TFDP1: variants seen among roughly 807,000 people sequenced by gnomAD.
TFDP1 encodes DRTF1-polypeptide 1.
TFDP1 carries 6 observed loss-of-function variants against 48.0 expected under a neutral mutation model. The ratio of observed to expected loss-of-function variants is 0.13; its 90% confidence interval spans 0.07 to 0.25. TFDP1 has a LOEUF of 0.25. TFDP1 is among the 10% of genes least tolerant of loss of function. The probability of loss-of-function intolerance (pLI) is 1.00; values close to 1 mark genes in which losing one functional copy is unlikely to be tolerated. For synonymous variants in TFDP1, 201 were observed against 211.6 expected, an observed-to-expected ratio of 0.95 and a Z score of 0.44; for missense variants, 335 against 543.0, an observed-to-expected ratio of 0.62 and a Z score of 3.81.
Position 113,640,280 on chromosome 13 carries a change from T to G in TFDP1, c.*13T>G. The G allele has an allele frequency of 6.2e-7, 1 of 1,605,890 alleles. No individual in the cohort carries two copies. The highest frequency in any genetic ancestry group is 8.5e-7 in the Non-Finnish European group (1 of 1,177,390). Reference sequence around the variant, plus strand: ...CGAGGACGACTGACGTCCTCCCCACTTCAGATTCGGCTTCAGGAAAACGTT... The same window carrying G: ...CGAGGACGACTGACGTCCTCCCCACGTCAGATTCGGCTTCAGGAAAACGTT... On this transcript the variant is annotated 3_prime_UTR_variant, in exon 12 of 12. Transcript: ENST00000375370.
At chr13:113,600,825 C>G (rs1383960437) in intron 2 of TFDP1, among the ~76,000 whole-genome samples, 2 of 141,070 alleles carry the variant, frequency 1.4e-5, no homozygotes, top group African/African-American at 2.9e-5. Flanking sequence ...CCGTGAGAGA[C>G]AACCCTCACA....
chr13:113,633,790 TGA>T lies in TFDP1; in HGVS notation c.475-98_475-97del, dbSNP rs1183047858. The T allele has an allele frequency of 7.0e-7, 1 of 1,436,926 alleles. No homozygotes were observed. The highest frequency in any genetic ancestry group is 9.4e-7 in the Non-Finnish European group (1 of 1,062,322). 89.0% of individuals were successfully genotyped at this position (1,436,926 alleles called of 1,614,324 possible). A position where few individuals can be genotyped will look rare whatever the true frequency, so the allele number is the denominator to read the frequency against. ...AGGGCATGTTGGGGTGGCGGCTCCG[TGA>T]GCGGGGTGCCCCTTTGAGCCAGTGC... On this transcript the variant is annotated intron_variant, in intron 6 of 11. Transcript: ENST00000375370. This position sits in a 1 kb window ranked among gnomAD's most constrained non-coding sequence, Gnocchi z 4.5.
At position 113,601,258 on chromosome 13, in the gene TFDP1, C is replaced by T. The variant is rs1040127336; in HGVS notation, c.13-9738C>T. Among the ~76,000 whole-genome samples the T allele has an allele frequency of 4.8e-5, 7 of 146,176 alleles. 1 individual carries two copies. The East Asian group carries it at 1.4e-3, about 29-fold the overall frequency. ...CCTAGTGCCTGTTAGGAGCCCAGGT[C>T]CCCGTTCAGCCTGTCCCGGGCGGCC... On this transcript the variant is annotated intron_variant, in intron 2 of 11. Coordinates refer to ENST00000375370, the MANE Select transcript of TFDP1 (RefSeq NM_007111.5).
intron 4 of TFDP1, among the ~76,000 whole-genome samples, chr13:113,625,101 A>C (rs1285767183): frequency 3.1e-4 from 36 of 116,816 alleles, no homozygotes; most frequent in Admixed American, 2.7e-3. Flanking sequence ...ACGTGTCCTC[A>C]GGTGTCTCTC....
At chr13:113,603,359 C>T (rs955112180) in intron 2 of TFDP1, among the ~76,000 whole-genome samples, 14 of 152,216 alleles carry the variant, frequency 9.2e-5, no homozygotes, top group Non-Finnish European at 1.8e-4. Flanking sequence ...AAGAGGGAGG[C>T]GTTGAGGGCC....
chr13:113,641,343 T>C lies in TFDP1; in HGVS notation c.*1076T>C, dbSNP rs972367739. The C allele has an allele frequency of 6.6e-6, 1 of 152,276 alleles. No homozygotes were observed. The highest frequency in any genetic ancestry group is 2.4e-5 in the African/African-American group (1 of 41,478). 9.4% of individuals were successfully genotyped at this position (152,276 alleles called of 1,614,324 possible). A position where few individuals can be genotyped will look rare whatever the true frequency, so the allele number is the denominator to read the frequency against. ...TTAGCTGCCTGTTCTAAAACGATAG[T>C]CTTTTTATTGAAACACAAATAAACT... On this transcript the variant is annotated 3_prime_UTR_variant, in exon 12 of 12. Coordinates refer to ENST00000375370, the MANE Select transcript of TFDP1 (RefSeq NM_007111.5).
intron 2 of TFDP1, among the ~76,000 whole-genome samples, chr13:113,599,700 A>G (rs1284410137): frequency 3.3e-5 from 5 of 152,204 alleles, no homozygotes; most frequent in Non-Finnish European, 5.9e-5. Flanking sequence ...AGGAGGAGGT[A>G]GTAGGTGCAG....
intron 2 of TFDP1, among the ~76,000 whole-genome samples, chr13:113,609,863 G>A (rs535369650): frequency 2.6e-5 from 4 of 152,184 alleles, no homozygotes; most frequent in African/African-American, 7.2e-5. Context: ...GCATGCTGCC[G>A]TGTGTGTGCT....
chr13:113,640,217 G>A lies in TFDP1; in HGVS notation c.1183G>A (p.Glu395Lys). The change falls in exon 12 of 12, where the codon GAG becomes AAG. Residue 395 changes from glutamate to lysine, a missense_variant. Coordinates refer to ENST00000375370, the MANE Select transcript of TFDP1 (RefSeq NM_007111.5). Reference protein sequence around the residue: ...RVETPVSYVGEDDEEDDDFNE... With the variant: ...RVETPVSYVGKDDEEDDDFNE... ...GGAGACTCCGGTGTCCTACGTCGGGGAGGACGACGAGGAGGACGATGACTT... is the reference window on the plus strand; with the variant it reads ...GGAGACTCCGGTGTCCTACGTCGGGAAGGACGACGAGGAGGACGATGACTT... The A allele has an allele frequency of 6.2e-7, 1 of 1,613,322 alleles. No individual in the cohort carries two copies. The highest frequency in any genetic ancestry group is 8.5e-7 in the Non-Finnish European group (1 of 1,179,582).
At position 113,634,589 on chromosome 13, in the gene TFDP1, A is replaced by C. The variant is rs746428598; in HGVS notation, c.674A>C (p.Glu225Ala). The C allele has an allele frequency of 6.2e-7, 1 of 1,612,508 alleles. No individual in the cohort carries two copies. The highest frequency in any genetic ancestry group is 8.5e-7 in the Non-Finnish European group (1 of 1,179,274). ...RIKQKQSQLQELILQQIAFKN... is the reference protein window; with the variant it reads ...RIKQKQSQLQALILQQIAFKN... ...AAACAGAAACAGTCTCAACTTCAAG[A>C]ACTTATTCTACAGGTAAGAGAATAC... is the stretch of plus-strand genomic sequence containing the variant. Residue 225 changes from glutamate (E) to alanine (A), a missense_variant, in exon 8 of 12, where the codon GAA (glutamate) becomes GCA (alanine). Around this residue, in one of 3 missense-constraint regions of TFDP1, gnomAD observed 204 missense variants for 287.1 expected, o/e 0.71. Transcript: ENST00000375370.
rs982626135 is a variant in TFDP1 at position 113,607,048 on chromosome 13, G to A, written c.13-3948G>A. 2.6e-5 allele frequency among the ~76,000 whole-genome samples: 4 copies of A among 152,236 alleles called. No individual in the cohort carries two copies. The highest frequency in any genetic ancestry group is 6.5e-5 in the Admixed American group (1 of 15,286). ...CCCCAGAAGTCATGCCTCTGAGTCC[G>A]TGGTTCTTAGCTGAGGGTGGCTTTG... On this transcript the variant is annotated intron_variant, in intron 2 of 11. Coordinates refer to ENST00000375370, the MANE Select transcript of TFDP1 (RefSeq NM_007111.5). The surrounding 1 kb of genome is among the most constrained non-coding windows in gnomAD (Gnocchi z 5.2).
At chr13:113,638,649 A>G (rs764825509) in intron 11 of TFDP1, among the ~76,000 whole-genome samples, 1 of 152,182 alleles carries the variant, frequency 6.6e-6, no homozygotes, top group Non-Finnish European at 1.5e-5. Flanking sequence ...TATTGTTTCT[A>G]TGCTATTAAA....
At chr13:113,636,827 C>CAAA (rs1439704682) in intron 10 of TFDP1, 127 bp downstream of exon 10, 2 of 1,161,016 alleles carry the variant, frequency 1.7e-6, no homozygotes, top group African/African-American at 3.1e-5. Context: ...GGGCCAGGAG[C>CAAA]AAAGACAAAG....
chr13:113,620,911 T>A (rs1292662950), intron 3 of TFDP1, among the ~76,000 whole-genome samples: 1 of 152,186 alleles, frequency 6.6e-6, no homozygotes, highest in Non-Finnish European at 1.5e-5. Flanking sequence ...AAAAGGCAAA[T>A]GTCTTTTTAA....
At chr13:113,625,042 G>A (rs2049101068) in intron 4 of TFDP1, among the ~76,000 whole-genome samples, 1 of 134,732 alleles carries the variant, frequency 7.4e-6, no homozygotes, top group African/African-American at 2.9e-5. Context: ...TTTCTCAGGT[G>A]TCTCTCACGT....
Position 113,607,809 on chromosome 13 carries a change from C to T in TFDP1, c.13-3187C>T, listed in dbSNP as rs1291761702. 6.6e-6 allele frequency among the ~76,000 whole-genome samples: 1 copy of T among 152,170 alleles called. No individual in the cohort carries two copies. Among genetic ancestry groups the T allele is most frequent in the Admixed American group, 6.5e-5 (1 of 15,286 alleles). On this transcript the variant is annotated intron_variant, in intron 2 of 11. Coordinates refer to ENST00000375370, the MANE Select transcript of TFDP1 (RefSeq NM_007111.5). The surrounding 1 kb of genome is among the most constrained non-coding windows in gnomAD (Gnocchi z 5.2). ...TGGACCTGGGTTTCCTGGGTGTGGG[C>T]TACTCAGGGATTGCTGAGTTCCCAT...
At chr13:113,606,774 T>C (rs796375940) in intron 2 of TFDP1, among the ~76,000 whole-genome samples, 13 of 152,358 alleles carry the variant, frequency 8.5e-5, no homozygotes, top group African/African-American at 2.9e-4. Flanking sequence ...TGCATTTCCC[T>C]TGTGATTTTG....
Position 113,623,384 on chromosome 13 carries a change from G to C in TFDP1, c.186+98G>C. On this transcript the variant is annotated intron_variant, in intron 4 of 11. Coordinates refer to ENST00000375370, the MANE Select transcript of TFDP1 (RefSeq NM_007111.5). This position sits in a 1 kb window ranked among gnomAD's most constrained non-coding sequence, Gnocchi z 5.2. ...GATGTTCCCAGGTGTGCCTGGATTTGGGCTCCAGTTGCAGCATGGGGCCTT... is the reference window on the plus strand; with the variant it reads ...GATGTTCCCAGGTGTGCCTGGATTTCGGCTCCAGTTGCAGCATGGGGCCTT... 2.5e-6 allele frequency: 3 copies of C among 1,193,018 alleles called. No individual in the cohort carries two copies. Among genetic ancestry groups the C allele is most frequent in the Non-Finnish European group, 3.6e-6 (3 of 844,182 alleles). The allele number at this position is 1,193,018 out of a possible 1,614,324, so 73.9% of individuals were successfully genotyped here. A position where few individuals can be genotyped will look rare whatever the true frequency, so the allele number is the denominator to read the frequency against.
intron 2 of TFDP1, among the ~76,000 whole-genome samples, chr13:113,594,626 G>A (rs1227893980): frequency 3.7e-4 from 56 of 152,254 alleles, no homozygotes; most frequent in Admixed American, 3.7e-3. Flanking sequence ...CCCGTGTGCT[G>A]GTCCTCAGCT....
Sources: allele counts gnomAD v4.1 joint callset (sites outside exome capture counted in the v4.1 genomes callset), GRCh38; gene constraint gnomAD v4.1.1; regional missense constraint gnomAD v4.1.1; non-coding constraint Gnocchi (gnomAD v3.1); transcripts MANE v1.5; gene names NCBI Gene and HGNC (gene_info 2026-07-23, HGNC 2026-07-21).